The following DOP1A variants were observed in gnomAD, a reference collection of about 807,000 sequenced individuals.
DOP1A encodes protein DOP1A.
Under a neutral mutation model 267.6 loss-of-function variants are expected in DOP1A, and 90 were observed. That is an observed-to-expected ratio of 0.34 (90% confidence interval 0.28 to 0.40). DOP1A has a LOEUF of 0.40. Ranked by LOEUF, DOP1A falls within the 10% of genes least tolerant of loss-of-function variation. The pLI is 1.00. For synonymous variants in DOP1A, 932 were observed against 999.1 expected (o/e 0.93, Z 1.27); for missense variants, 2,437 against 2,900.4 (o/e 0.84, Z 3.67).
At position 83,134,213 on chromosome 6, in the gene DOP1A, G is replaced by C. The variant is rs1778521153; in HGVS notation, c.2796G>C (p.Lys932Asn). The part of the protein sequence containing the change: ...DKKIRMEAHA[K>N]FAVLWHLTRD... ...AAATAAGGATGGAAGCACATGCCAA[G>C]TTTGCAGTTCTTTGGCATCTAACGA... is the stretch of plus-strand genomic sequence containing the variant. Residue 932 changes from lysine (K) to asparagine (N), a missense_variant, in exon 19 of 39, where the codon AAG becomes AAC. Transcript: ENST00000349129. The C allele has an allele frequency of 6.2e-7, 1 of 1,612,710 alleles. No individual in the cohort carries two copies. The highest frequency in any genetic ancestry group is 1.7e-5 in the Admixed American group (1 of 59,882).
chr6:83,164,103 T>C (rs990673072), intron 38 of DOP1A, among the ~76,000 whole-genome samples: 1 of 147,448 alleles, frequency 6.8e-6, no homozygotes, highest in Non-Finnish European at 1.5e-5. Flanking sequence ...TGAGATCTAG[T>C]ATGCAGTGTG....
At chr6:83,086,578 GAA>G (rs1006274703) in intron 1 of DOP1A, among the ~76,000 whole-genome samples, 1 of 151,950 alleles carries the variant, frequency 6.6e-6, no homozygotes. Flanking sequence ...AACATAAACT[GAA>G]AAAAAGAGGC....
At position 83,157,285 on chromosome 6, in the gene DOP1A, T is replaced by TA; in HGVS notation, c.6709dup (p.Thr2237AsnfsTer25). 1 of 1,613,962 alleles carries TA rather than the reference T, an allele frequency of 6.2e-7. No individual in the cohort carries two copies. The highest frequency in any genetic ancestry group is 8.5e-7 in the Non-Finnish European group (1 of 1,179,898). On this transcript the variant is annotated frameshift_variant, in exon 35 of 39. Transcript: ENST00000349129. LOFTEE classifies it high-confidence loss of function. ...TTTTAAGAATGTCTCCCCAACATCTTACCTCACTCTGGCCTACCATGATTA... is the reference window on the plus strand; with the variant it reads ...TTTTAAGAATGTCTCCCCAACATCTTAACCTCACTCTGGCCTACCATGATTA...
chr6:83,082,114 G>A lies in DOP1A; in HGVS notation c.-147+14335G>A, dbSNP rs57977186. On this transcript the variant is annotated intron_variant, in intron 1 of 38. Coordinates refer to ENST00000349129, the MANE Select transcript of DOP1A (RefSeq NM_015018.4). ...GCCATTATGGAAAACAGTAAGGAGG[G>A]GCCTCAAAAAATGAAAAAAATAGAA... Among the ~76,000 whole-genome samples, 894 of 151,710 alleles carry A rather than the reference G, an allele frequency of 5.9e-3. 24 individuals carry two copies. In the East Asian group the frequency reaches 0.084, roughly 14 times the overall value.
chr6:83,144,517 CA>C (rs1780163641), intron 24 of DOP1A, among the ~76,000 whole-genome samples: 1 of 151,952 alleles, frequency 6.6e-6, no homozygotes, highest in African/African-American at 2.4e-5. Context: ...CTAGGAAAAA[CA>C]AAAAGTTGTA....
At chr6:83,139,941 A>T (rs184412945) in intron 21 of DOP1A, 59 bp from the exon 22 acceptor site, 1 of 1,186,832 alleles carries the variant, frequency 8.4e-7, no homozygotes, top group South Asian at 1.3e-5. Flanking sequence ...TTTACTAGTG[A>T]TAAAATATGA....
intron 1 of DOP1A, among the ~76,000 whole-genome samples, chr6:83,077,797 G>C (rs923951725): frequency 1.3e-5 from 2 of 152,086 alleles, no homozygotes; most frequent in Admixed American, 1.3e-4. Flanking sequence ...GGCCTCCCTG[G>C]GCCACATTGG....
intron 1 of DOP1A, among the ~76,000 whole-genome samples, chr6:83,095,931 C>A (rs1331742306): frequency 6.6e-6 from 1 of 152,122 alleles, no homozygotes; most frequent in East Asian, 1.9e-4. Context: ...TAGCTCCCCC[C>A]AGAACTAATG....
intron 38 of DOP1A, chr6:83,165,599 GAA>G (rs1386221444): frequency 2.3e-5 from 4 of 173,644 alleles, no homozygotes; most frequent in African/African-American, 9.5e-5. Flanking sequence ...CAAATTTGAC[GAA>G]CTCTTGGAAA....
chr6:83,134,591 C>T (rs1778590353), intron 19 of DOP1A: 2 of 216,572 alleles, frequency 9.2e-6, no homozygotes, highest in East Asian at 2.0e-4. Flanking sequence ...ACTATATTCA[C>T]ATTTAGTGAA....
chr6:83,137,070 T>A, intron 20 of DOP1A, 103 bp from the exon 21 acceptor site: 1 of 1,082,776 alleles, frequency 9.2e-7, no homozygotes, highest in Non-Finnish European at 1.3e-6. Context: ...AAGTAGATGA[T>A]GACACTAATG....
chr6:83,133,650 C>A (rs553440229), intron 18 of DOP1A, among the ~76,000 whole-genome samples: 108 of 151,978 alleles, frequency 7.1e-4, no homozygotes, highest in Middle Eastern at 3.4e-3. Flanking sequence ...TTATATTAAT[C>A]TTTTTCCAAA....
At chr6:83,102,713 T>C (rs1028765148) in intron 4 of DOP1A, among the ~76,000 whole-genome samples, 3 of 152,224 alleles carry the variant, frequency 2.0e-5, no homozygotes, top group Non-Finnish European at 4.4e-5. Flanking sequence ...TATTAAATAA[T>C]GTTACCGTCT....
chr6:83,134,340 C>T, intron 19 of DOP1A, 53 bp downstream of exon 19: 1 of 1,487,110 alleles, frequency 6.7e-7, no homozygotes, highest in Non-Finnish European at 9.2e-7. Flanking sequence ...AATGTTGCCT[C>T]TTTCCTTGAG....
chr6:83,123,568 C>T (rs1035699657), intron 12 of DOP1A, among the ~76,000 whole-genome samples: 7 of 151,992 alleles, frequency 4.6e-5, no homozygotes, highest in Admixed American at 1.3e-4. Flanking sequence ...TAATTATGTA[C>T]GATTTCAGCA....
chr6:83,122,917 C>T lies in DOP1A; in HGVS notation c.1275C>T (p.Leu425=). 2.5e-6 allele frequency: 4 copies of T among 1,575,186 alleles called. No homozygotes were observed. Among genetic ancestry groups the T allele is most frequent in the Non-Finnish European group, 3.4e-6 (4 of 1,164,610 alleles). The change falls in exon 12 of 39, where the codon CTC becomes CTT. Residue 425 remains leucine (L), a synonymous_variant. Transcript: ENST00000349129. ...TAELIKTANL[L]FNSFEPYYMW... ...AGCTGATTAAAACTGCTAACCTTCT[C>T]TTTAATTCCTTCGAACCTTATTATA...
At chr6:83,094,525 G>A (rs1361569309) in intron 1 of DOP1A, among the ~76,000 whole-genome samples, 6 of 152,214 alleles carry the variant, frequency 3.9e-5, no homozygotes, top group Non-Finnish European at 8.8e-5. Context: ...CTCCAGCAGT[G>A]TATGAGGGTT....
At chr6:83,170,179 T>C (rs965300316), downstream of DOP1A, 4 of 800,716 alleles carry the variant, frequency 5.0e-6, no homozygotes, top group East Asian at 5.1e-5. Flanking sequence ...AGTCTTAATG[T>C]GAACCTAAAA....
intron 38 of DOP1A, chr6:83,166,755 T>C: frequency 9.0e-7 from 1 of 1,112,538 alleles, no homozygotes; most frequent in Non-Finnish European, 1.1e-6. Context: ...GAAAATAAGC[T>C]GGATTTTGCA....
Sources: allele counts gnomAD v4.1 joint callset (sites outside exome capture counted in the v4.1 genomes callset), GRCh38; gene constraint gnomAD v4.1.1; transcripts MANE v1.5; gene names NCBI Gene and HGNC (gene_info 2026-07-23, HGNC 2026-07-21).